METTL8: variants seen among roughly 807,000 people sequenced by gnomAD.
METTL8 encodes tRNA N(3)-cytidine methyltransferase METTL8, mitochondrial.
Under a neutral mutation model 48.7 loss-of-function variants are expected in METTL8, and 32 were observed. The ratio of observed to expected loss-of-function variants is 0.66; its 90% confidence interval spans 0.50 to 0.88. The LOEUF is 0.88. Among genes scored for constraint, METTL8 ranks in the 40% least tolerant of loss-of-function variants. The pLI, the probability that METTL8 is intolerant of heterozygous loss-of-function variation, is 0.00. For synonymous variants in METTL8, 136 were observed against 157.1 expected (o/e 0.87, Z 1.01); for missense variants, 464 against 474.4 (o/e 0.98, Z 0.20).
intron 2 of METTL8, among the ~76,000 whole-genome samples, chr2:171,389,735 A>G (rs958603239): frequency 7.2e-5 from 11 of 152,130 alleles, no homozygotes; most frequent in African/African-American, 2.4e-4. Flanking sequence ...GCAGAAGAAA[A>G]GTGAAGCTAG....
chr2:171,336,253 A>G lies in METTL8; in HGVS notation c.656+1200T>C, dbSNP rs1331589891. ...TGGGATTACAGGCGCCCGCCACCAC[A>G]CCCAGCTAATTTTTTGTATTTTTAG... On this transcript the variant is annotated intron_variant, in intron 5 of 9. Coordinates refer to ENST00000375258, the MANE Select transcript of METTL8 (RefSeq NM_001321154.2). Among the ~76,000 whole-genome samples the G allele has an allele frequency of 7.4e-4, 101 of 136,380 alleles. No homozygotes were observed. The Middle Eastern group carries it at 0.016, about 21-fold the overall frequency. 89.5% of individuals were successfully genotyped at this position (136,380 alleles called of 152,430 possible). A position where few individuals can be genotyped will look rare whatever the true frequency, so the allele number is the denominator to read the frequency against.
In METTL8 at chr2:171,324,356, A is replaced by C; in HGVS notation, c.1040T>G (p.Val347Gly). The C allele has an allele frequency of 6.4e-7, 1 of 1,551,248 alleles. No homozygotes were observed. The highest frequency in any genetic ancestry group is 8.7e-7 in the Non-Finnish European group (1 of 1,146,914). The change falls in exon 10 of 10, where the codon GTC becomes GGC. Residue 347 changes from valine to glycine, a missense_variant. Transcript: ENST00000375258. ...TRAYFFTKGE[V>G]HSMFCKASLD... The stretch of plus-strand genomic sequence containing the variant: ...ACTGGCTTTGCAGAACATACTGTGG[A>C]CTTCCCCTGTGAGACAAAAATGGCA...
At chr2:171,364,077 T>C (rs1302379082) in intron 2 of METTL8, among the ~76,000 whole-genome samples, 1 of 151,850 alleles carries the variant, frequency 6.6e-6, no homozygotes, top group Non-Finnish European at 1.5e-5. Flanking sequence ...CCTCCCAAAG[T>C]GCTAGGATTA....
chr2:171,331,839 A>C lies in METTL8; in HGVS notation c.685T>G (p.Cys229Gly), dbSNP rs751615013. The C allele has an allele frequency of 6.2e-7, 1 of 1,603,468 alleles. No homozygotes were observed. Among genetic ancestry groups the C allele is most frequent in the Non-Finnish European group, 8.5e-7 (1 of 1,174,604 alleles). ...TCCACAGCTCCAGAAGCAAAATCAC[A>C]ACAATACAGAAAGGACTCCGGAGAG... is the stretch of plus-strand genomic sequence containing the variant. The part of the protein sequence containing the change: ...ENSPESFLYC[C>G]DFASGAVELV... The change falls in exon 6 of 10, where the codon TGT (cysteine) becomes GGT (glycine). Residue 229 changes from cysteine (C) to glycine (G), a missense_variant. Physicochemically the swap from Cys to Gly is radical, Grantham distance 159 (BLOSUM62 -3). Coordinates refer to ENST00000375258, the MANE Select transcript of METTL8 (RefSeq NM_001321154.2).
At chr2:171,429,147 A>G (rs1692718409) in intron 1 of METTL8, among the ~76,000 whole-genome samples, 1 of 152,234 alleles carries the variant, frequency 6.6e-6, no homozygotes, top group South Asian at 2.1e-4. Context: ...ATATTAACAA[A>G]AGGACACTCT....
chr2:171,390,639 G>A (rs1190042030), intron 2 of METTL8, among the ~76,000 whole-genome samples: 1 of 152,212 alleles, frequency 6.6e-6, no homozygotes, highest in East Asian at 1.9e-4. Flanking sequence ...GAAACAGCAA[G>A]AGAACTAGAA....
chr2:171,355,368 A>C (rs1325081657), intron 3 of METTL8, among the ~76,000 whole-genome samples: 1 of 151,520 alleles, frequency 6.6e-6, no homozygotes, highest in East Asian at 1.9e-4. Context: ...ATGAGGTGTC[A>C]GTCAGCCCCT....
chr2:171,328,039 T>C (rs1173250758), intron 7 of METTL8, among the ~76,000 whole-genome samples: 1 of 152,184 alleles, frequency 6.6e-6, no homozygotes, highest in South Asian at 2.1e-4. Context: ...GAACGGGAGC[T>C]ACTTTTCTTG....
chr2:171,380,111 C>G lies in METTL8; in HGVS notation c.143+11932G>C, dbSNP rs1687366022. On this transcript the variant is annotated intron_variant, in intron 2 of 9. Transcript: ENST00000375258. ...GGTTCAGCATATGCAAATCAATAAG[C>G]ATAATCCATCACATAAACTGAACCA... is the stretch of plus-strand genomic sequence containing the variant. Among the ~76,000 whole-genome samples the G allele has an allele frequency of 2.0e-5, 3 of 152,178 alleles. No individual in the cohort carries two copies. The South Asian group carries it at 6.2e-4, about 32-fold the overall frequency.
At position 171,317,691 on chromosome 2, in the gene METTL8, T is replaced by C. The variant is rs969407401; in HGVS notation, c.*6481A>G. On this transcript the variant is annotated 3_prime_UTR_variant, in exon 10 of 10. Coordinates refer to ENST00000375258, the MANE Select transcript of METTL8 (RefSeq NM_001321154.2). ...TAAGTGGTTGTGAAACCACAGACAC[T>C]GTAGAATCAGAAGCTGTTGTTTTAA... 2.0e-5 allele frequency: 3 copies of C among 152,248 alleles called. No individual in the cohort carries two copies. Among genetic ancestry groups the C allele is most frequent in the Non-Finnish European group, 4.4e-5 (3 of 68,048 alleles). The allele number at this position is 152,248 out of a possible 1,614,324, so 9.4% of individuals were successfully genotyped here.
chr2:171,350,530 A>T (rs955498432), intron 3 of METTL8, among the ~76,000 whole-genome samples: 2 of 152,216 alleles, frequency 1.3e-5, no homozygotes, highest in African/African-American at 4.8e-5. Flanking sequence ...TCCTTGAGGA[A>T]TCGCCACACT....
intron 3 of METTL8, among the ~76,000 whole-genome samples, chr2:171,358,823 A>T (rs79868167): frequency 0.069 from 10,579 of 152,244 alleles, 691 homozygotes; most frequent in African/African-American, 0.17. Flanking sequence ...AGAAAATGGG[A>T]TTATATCATG....
chr2:171,330,809 CCT>C (rs1685451845), intron 6 of METTL8, 111 bp from the exon 7 acceptor site: 1 of 824,066 alleles, frequency 1.2e-6, no homozygotes, highest in Non-Finnish European at 1.9e-6. Context: ...AAAAGCCTTT[CCT>C]CTGTCAGTCT....
intron 1 of METTL8, among the ~76,000 whole-genome samples, chr2:171,416,335 T>TACAAATA (rs1691315386): frequency 6.6e-6 from 1 of 152,172 alleles, no homozygotes; most frequent in Non-Finnish European, 1.5e-5. Context: ...ATCACAGGGA[T>TACAAATA]TCACCTTTGT....
chr2:171,428,983 T>C (rs1559229207), intron 1 of METTL8, among the ~76,000 whole-genome samples: 1 of 152,226 alleles, frequency 6.6e-6, no homozygotes, highest in Admixed American at 6.5e-5. Context: ...ATGAAGTGCC[T>C]GGTATTCTAC....
At chr2:171,352,847 A>G (rs1446986526) in intron 3 of METTL8, among the ~76,000 whole-genome samples, 6 of 151,472 alleles carry the variant, frequency 4.0e-5, no homozygotes, top group Non-Finnish European at 8.8e-5. Flanking sequence ...CATCTGTTTG[A>G]TTCTTCTCTC....
chr2:171,415,375 CAG>C (rs1370325421), intron 1 of METTL8, among the ~76,000 whole-genome samples: 4 of 94,712 alleles, frequency 4.2e-5, no homozygotes, highest in African/African-American at 1.6e-4. Flanking sequence ...TTTTTTTTGA[CAG>C]AGTCTCACTC....
rs1217241798 is a variant in METTL8 at position 171,392,069 on chromosome 2, T to C, written c.117A>G (p.Pro39=). 20 of 1,551,512 alleles carry C rather than the reference T, an allele frequency of 1.3e-5. No individual in the cohort carries two copies. In the East Asian group the frequency reaches 4.9e-4, roughly 38 times the overall value. Residue 39 remains proline, a synonymous_variant, in exon 2 of 10, where the codon CCA becomes CCG. Transcript: ENST00000375258. ...APLGSRILTD[P]AKVFEHNMWD... Reference sequence around the variant, plus strand: ...ACATGTTGTGTTCAAAAACTTTGGCTGGGTCAGTTAAAATCCTTGATCCCA... The same window carrying C: ...ACATGTTGTGTTCAAAAACTTTGGCCGGGTCAGTTAAAATCCTTGATCCCA...
intron 2 of METTL8, among the ~76,000 whole-genome samples, chr2:171,361,563 T>C (rs1390955124): frequency 6.6e-6 from 1 of 152,202 alleles, no homozygotes; most frequent in East Asian, 1.9e-4. Flanking sequence ...TATCAGGTAT[T>C]GTAATAAGCA....
Sources: allele counts gnomAD v4.1 joint callset (sites outside exome capture counted in the v4.1 genomes callset), GRCh38; gene constraint gnomAD v4.1.1; transcripts MANE v1.5; gene names NCBI Gene and HGNC (gene_info 2026-07-23, HGNC 2026-07-21).